Variants in PCDHGA4 observed in about 807,000 individuals in gnomAD.
PCDHGA4 encodes protocadherin gamma-A4.
In PCDHGA4, 38 loss-of-function variants were observed where a neutral mutation model predicts 54.6. That is an observed-to-expected ratio of 0.70 (90% confidence interval 0.54 to 0.91). The LOEUF (loss-of-function observed/expected upper bound fraction) is 0.91. PCDHGA4 is among the 40% of genes least tolerant of loss of function. The probability of loss-of-function intolerance (pLI) is 0.00; values close to 1 mark genes in which losing one functional copy is unlikely to be tolerated. For synonymous variants in PCDHGA4, 511 were observed against 512.9 expected (o/e 1.00, Z 0.05); for missense variants, 1,298 against 1,220.9 (o/e 1.06, Z -0.94).
At chr5:141,359,409 A>G (rs1243089607) in intron 1 of PCDHGA4, among the ~76,000 whole-genome samples, 4 of 152,002 alleles carry the variant, frequency 2.6e-5, no homozygotes, top group Non-Finnish European at 2.9e-5. Flanking sequence ...TTTTTAAAAA[A>G]TGTGTTTTTG....
intron 2 of PCDHGA4, among the ~76,000 whole-genome samples, chr5:141,502,905 A>T (rs1364939091): frequency 1.5e-5 from 2 of 131,814 alleles, no homozygotes; most frequent in Non-Finnish European, 3.0e-5. Flanking sequence ...CTCTGTTGCC[A>T]GGCTGGAGTG....
At chr5:141,466,022 T>C (rs1053231186) in intron 1 of PCDHGA4, among the ~76,000 whole-genome samples, 4 of 151,628 alleles carry the variant, frequency 2.6e-5, no homozygotes, top group African/African-American at 9.7e-5. Flanking sequence ...CTCGGGAGGG[T>C]GAGGCAGGAG....
intron 1 of PCDHGA4, chr5:141,389,289 A>G (rs1384091312): frequency 1.2e-6 from 2 of 1,613,966 alleles, no homozygotes; most frequent in African/African-American, 1.3e-5. Context: ...TGGAGCCTCT[A>G]TTTCACAAGT....
intron 1 of PCDHGA4, chr5:141,419,226 C>T (rs560904796): frequency 1.9e-6 from 3 of 1,614,006 alleles, no homozygotes; most frequent in East Asian, 2.2e-5. Context: ...GGACAGTCAG[C>T]CTACCTGGTC....
In PCDHGA4 at chr5:141,477,211, C is replaced by T. The variant is rs1282763530; in HGVS notation, c.2515-17596C>T. On this transcript the variant is annotated intron_variant, in intron 1 of 3. Coordinates refer to ENST00000571252, the MANE Select transcript of PCDHGA4 (RefSeq NM_018917.4). The surrounding 1 kb of genome is among the most constrained non-coding windows in gnomAD (Gnocchi z 4.9). ...TGTACAGCCCAGTACCCGAGGATGC[C>T]CCTCTGGGGACTGTCATCGCTTTGC... 2 of 1,614,154 alleles carry T rather than the reference C, an allele frequency of 1.2e-6. No individual in the cohort carries two copies. Among genetic ancestry groups the T allele is most frequent in the East Asian group, 4.5e-5 (2 of 44,870 alleles).
At chr5:141,364,803 G>A (rs1763546634) in intron 1 of PCDHGA4, 1 of 1,614,002 alleles carries the variant, frequency 6.2e-7, no homozygotes, top group Non-Finnish European at 8.5e-7. Context: ...CCCTTCGCGC[G>A]GGATGCGGAT....
intron 1 of PCDHGA4, among the ~76,000 whole-genome samples, chr5:141,380,075 C>T (rs1776189722): frequency 6.6e-6 from 1 of 151,480 alleles, no homozygotes; most frequent in African/African-American, 2.4e-5. Flanking sequence ...AATTTTCATA[C>T]TTTTAGTAGA....
In PCDHGA4 at chr5:141,374,652, A is replaced by C. The variant is rs947408708; in HGVS notation, c.2514+17031A>C. Reference sequence around the variant, plus strand: ...GTGCAAAGCGAAGCCCATGGGCCCAAGTACCCGGAGCTGGTGCTGGAGGGC... The same window carrying C: ...GTGCAAAGCGAAGCCCATGGGCCCACGTACCCGGAGCTGGTGCTGGAGGGC... On this transcript the variant is annotated intron_variant, in intron 1 of 3. Coordinates refer to ENST00000571252, the MANE Select transcript of PCDHGA4 (RefSeq NM_018917.4). 1.2e-6 allele frequency: 2 copies of C among 1,612,302 alleles called. No homozygotes were observed.
chr5:141,399,460 G>A, intron 1 of PCDHGA4: 1 of 1,613,962 alleles, frequency 6.2e-7, no homozygotes, highest in Middle Eastern at 1.6e-4. Context: ...CAACGATAAC[G>A]CTCCGGTTTT....
intron 1 of PCDHGA4, chr5:141,399,667 C>T (rs752195462): frequency 1.2e-6 from 2 of 1,613,634 alleles, no homozygotes; most frequent in Non-Finnish European, 8.5e-7. Context: ...GTTCGCGCAG[C>T]GCGCCTTTGA....
chr5:141,390,730 A>G (rs964390196), intron 1 of PCDHGA4: 1 of 195,852 alleles, frequency 5.1e-6, no homozygotes, highest in African/African-American at 2.4e-5. Flanking sequence ...TTTAACTGGT[A>G]TGGTCTCCAT....
Position 141,491,722 on chromosome 5 carries a change from C to G in PCDHGA4, c.2515-3085C>G, listed in dbSNP as rs1276921909. ...CCAGGTGAGGGGCTCGGCGCCGCCC[C>G]GGGCGACCCCTGGGGGCGGCACTGG... On this transcript the variant is annotated intron_variant, in intron 1 of 3. Transcript: ENST00000571252. This position sits in a 1 kb window ranked among gnomAD's most constrained non-coding sequence, Gnocchi z 6.9. 2 of 1,607,004 alleles carry G rather than the reference C, an allele frequency of 1.2e-6. No homozygotes were observed. The highest frequency in any genetic ancestry group is 1.7e-5 in the Admixed American group (1 of 58,788).
In PCDHGA4 at chr5:141,356,980, G is replaced by A; in HGVS notation, c.1873G>A (p.Val625Met). 1 of 1,614,252 alleles carries A rather than the reference G, an allele frequency of 6.2e-7. No homozygotes were observed. The highest frequency in any genetic ancestry group is 8.5e-7 in the Non-Finnish European group (1 of 1,180,042). ...SGYLVTKVVA[V>M]DRDSGQNAWL... Reference sequence around the variant, plus strand: ...CTACCTGGTGACCAAAGTGGTGGCAGTGGACAGAGACTCAGGTCAGAATGC... The same window carrying A: ...CTACCTGGTGACCAAAGTGGTGGCAATGGACAGAGACTCAGGTCAGAATGC... Residue 625 changes from valine to methionine, a missense_variant, in exon 1 of 4, where the codon GTG becomes ATG. Physicochemically the swap from Val to Met is conservative, Grantham distance 21. Transcript: ENST00000571252.
chr5:141,375,417 C>T, intron 1 of PCDHGA4: 3 of 1,613,976 alleles, frequency 1.9e-6, no homozygotes, highest in Non-Finnish European at 2.5e-6. Context: ...GTGGCAGACA[C>T]CAACGACAAC....
chr5:141,461,639 C>T (rs1041604977), intron 1 of PCDHGA4, among the ~76,000 whole-genome samples: 12 of 152,088 alleles, frequency 7.9e-5, no homozygotes, highest in Non-Finnish European at 1.6e-4. Flanking sequence ...GCAATTTCTT[C>T]TTTGACCCAT....
chr5:141,390,354 A>C (rs1031121162), intron 1 of PCDHGA4: 21 of 1,553,066 alleles, frequency 1.4e-5, no homozygotes, highest in Non-Finnish European at 1.6e-5. Context: ...AAATATACAT[A>C]TTTGCAGGAA....
At chr5:141,452,193 GT>G (rs1375451557) in intron 1 of PCDHGA4, among the ~76,000 whole-genome samples, 1 of 151,990 alleles carries the variant, frequency 6.6e-6, no homozygotes, top group Non-Finnish European at 1.5e-5. Context: ...ACCTCAAATT[GT>G]TTTAGATGTT....
intron 1 of PCDHGA4, chr5:141,376,683 T>G (rs993121211): frequency 8.6e-5 from 69 of 804,030 alleles, no homozygotes; most frequent in African/African-American, 6.0e-4. Flanking sequence ...ATCGTTTTTT[T>G]TTTTTTTTTT....
chr5:141,414,007 A>G (rs1047239460), intron 1 of PCDHGA4: 2 of 1,613,292 alleles, frequency 1.2e-6, no homozygotes, highest in Non-Finnish European at 1.7e-6. Flanking sequence ...CGAAGGTGCC[A>G]ATGGAGAAGT....
Sources: gnomAD v4.1 joint callset for allele counts (sites outside exome capture counted in the v4.1 genomes callset) on GRCh38, gnomAD v4.1.1 for gene constraint, Gnocchi (gnomAD v3.1) non-coding constraint, MANE v1.5 for transcripts, NCBI Gene and HGNC (gene_info 2026-07-23, HGNC 2026-07-21) for gene names.